The following FKBP5 variants were observed in gnomAD, a reference collection of about 807,000 sequenced individuals.
FKBP5 encodes the protein FKBP prolyl isomerase 5, also known as peptidyl-prolyl cis-trans isomerase FKBP5.
A neutral mutation model predicts 50.5 loss-of-function variants in FKBP5; 23 were observed. The ratio of observed to expected loss-of-function variants is 0.46; its 90% CI spans 0.33 to 0.65. The LOEUF (loss-of-function observed/expected upper bound fraction) is 0.65, where lower values mean the gene tolerates loss of function less well. Among genes scored for constraint, FKBP5 ranks in the 30% least tolerant of loss-of-function variants. The pLI, the probability that FKBP5 is intolerant of heterozygous loss-of-function variation, is 0.02. For missense variants in FKBP5, 411 were observed against 553.1 expected (o/e 0.74, Z 2.58); for synonymous variants, 176 against 190.6 (o/e 0.92, Z 0.63).
chr6:35,581,718 A>C, intron 8 of FKBP5: 1 of 985,516 alleles, frequency 1.0e-6, no homozygotes, highest in Non-Finnish European at 1.2e-6. Flanking sequence ...ACAGGAGTAC[A>C]AGTGGGGATT....
intron 2 of FKBP5, among the ~76,000 whole-genome samples, chr6:35,694,262 C>T (rs572884125): frequency 6.6e-6 from 1 of 152,334 alleles, no homozygotes; most frequent in African/African-American, 2.4e-5. Context: ...TTTCCCACTT[C>T]AGCCCCCCAA....
At chr6:35,645,121 A>G (rs1168676654) in intron 1 of FKBP5, among the ~76,000 whole-genome samples, 1 of 152,200 alleles carries the variant, frequency 6.6e-6, no homozygotes, top group Non-Finnish European at 1.5e-5. Context: ...CTGTCTCCTA[A>G]TATGATGTAG....
chr6:35,718,309 T>C (rs576005377), intron 2 of FKBP5, among the ~76,000 whole-genome samples: 1 of 152,156 alleles, frequency 6.6e-6, no homozygotes, highest in Non-Finnish European at 1.5e-5. Context: ...CGCATGTTCA[T>C]GGAAGAAAGC....
At chr6:35,578,638 G>T (rs1017296739) in intron 9 of FKBP5, among the ~76,000 whole-genome samples, 3 of 151,820 alleles carry the variant, frequency 2.0e-5, no homozygotes, top group African/African-American at 7.2e-5. Context: ...TGTGGTGGTC[G>T]GCACCTGTGG....
chr6:35,703,649 G>C (rs1766231916), intron 2 of FKBP5, among the ~76,000 whole-genome samples: 3 of 152,020 alleles, frequency 2.0e-5, no homozygotes, highest in African/African-American at 7.2e-5. Flanking sequence ...CTATACTTGG[G>C]GAAATTCCTC....
At chr6:35,727,489 C>T (rs1766738757) in intron 1 of FKBP5, among the ~76,000 whole-genome samples, 1 of 152,226 alleles carries the variant, frequency 6.6e-6, no homozygotes, top group Non-Finnish European at 1.5e-5. Flanking sequence ...CTCCCTACTC[C>T]CGGCGTCGTG....
intron 1 of FKBP5, among the ~76,000 whole-genome samples, chr6:35,648,238 T>C (rs755196092): frequency 9.2e-5 from 14 of 152,172 alleles, no homozygotes; most frequent in Non-Finnish European, 1.9e-4. Context: ...CTTTATACCC[T>C]AAGAGAAATT....
intron 1 of FKBP5, among the ~76,000 whole-genome samples, chr6:35,671,290 T>C (rs573035012): frequency 3.9e-4 from 58 of 149,808 alleles, no homozygotes; most frequent in African/African-American, 1.3e-3. Context: ...AATAAATAAA[T>C]AAACAAAAAC....
chr6:35,590,241 G>A (rs567314867), intron 7 of FKBP5, among the ~76,000 whole-genome samples: 5 of 152,256 alleles, frequency 3.3e-5, no homozygotes, highest in Non-Finnish European at 7.4e-5. Flanking sequence ...TGAGGCTGGA[G>A]TGAGCTATGA....
intron 5 of FKBP5, among the ~76,000 whole-genome samples, chr6:35,603,829 C>G (rs1378164620): frequency 6.6e-6 from 1 of 152,024 alleles, no homozygotes; most frequent in African/African-American, 2.4e-5. Context: ...CCTCAGACTC[C>G]CAAGTAGCTG....
intron 2 of FKBP5, among the ~76,000 whole-genome samples, chr6:35,711,775 C>T (rs1766418520): frequency 6.6e-6 from 1 of 152,166 alleles, no homozygotes; most frequent in Non-Finnish European, 1.5e-5. Context: ...TAAATGGGTG[C>T]ATTTTATCAT....
intron 2 of FKBP5, among the ~76,000 whole-genome samples, chr6:35,705,702 T>C (rs1318086398): frequency 6.6e-6 from 1 of 152,186 alleles, no homozygotes; most frequent in Non-Finnish European, 1.5e-5. Flanking sequence ...TGATTAGCTA[T>C]CTGGGGGTGA....
chr6:35,685,271 C>G (rs889482157), intron 1 of FKBP5, among the ~76,000 whole-genome samples: 1 of 152,134 alleles, frequency 6.6e-6, no homozygotes, highest in African/African-American at 2.4e-5. Flanking sequence ...CTGTCTTTTA[C>G]ATAGTAAATA....
chr6:35,628,090 G>A (rs1764054381), intron 3 of FKBP5, among the ~76,000 whole-genome samples: 1 of 151,886 alleles, frequency 6.6e-6, no homozygotes, highest in Admixed American at 6.6e-5. Flanking sequence ...ATATTCTTAT[G>A]GGAAGGTTTC....
intron 8 of FKBP5, chr6:35,582,980 G>T: frequency 1.2e-6 from 1 of 831,162 alleles, no homozygotes; most frequent in Non-Finnish European, 1.5e-6. Flanking sequence ...CCAGCACTTT[G>T]GGAAGCTGAG....
At chr6:35,653,156 GC>G (rs1013672794) in intron 1 of FKBP5, among the ~76,000 whole-genome samples, 1 of 152,112 alleles carries the variant, frequency 6.6e-6, no homozygotes, top group Admixed American at 6.5e-5. Flanking sequence ...TTCAAGACCA[GC>G]CTGGGCAAGA....
chr6:35,618,763 CG>C (rs1554133191), intron 5 of FKBP5, among the ~76,000 whole-genome samples: 2 of 152,106 alleles, frequency 1.3e-5, no homozygotes, highest in Non-Finnish European at 2.9e-5. Context: ...AGCACCATCT[CG>C]ACTCACTGCA....
chr6:35,692,186 C>G (rs1766001354), upstream of FKBP5, among the ~76,000 whole-genome samples: 2 of 152,224 alleles, frequency 1.3e-5, no homozygotes, highest in Admixed American at 1.3e-4. Flanking sequence ...CACTCTATTA[C>G]CCAGGCTGGC....
At chr6:35,589,124 ATATATTTT>A (rs1226562829) in intron 7 of FKBP5, among the ~76,000 whole-genome samples, 17 of 127,292 alleles carry the variant, frequency 1.3e-4, no homozygotes, top group Middle Eastern at 3.9e-3. Flanking sequence ...ATATATATAT[ATATATTTT>A]TTTTTTTTTC....
Sources: gnomAD v4.1 joint callset for allele counts (sites outside exome capture counted in the v4.1 genomes callset) on GRCh38, gnomAD v4.1.1 for gene constraint, MANE v1.5 for transcripts, NCBI Gene and HGNC (gene_info 2026-07-23, HGNC 2026-07-21) for gene names.